SIPA1L1: variants seen among roughly 807,000 people sequenced by gnomAD.
SIPA1L1 encodes the protein signal induced proliferation associated 1 like 1.
Under a neutral mutation model 162.7 loss-of-function variants are expected in SIPA1L1, and 26 were observed. The ratio of observed to expected loss-of-function variants is 0.16; its 90% CI spans 0.12 to 0.22. The LOEUF (loss-of-function observed/expected upper bound fraction) is 0.22, where lower values mean the gene tolerates loss of function less well. Ranked by LOEUF, SIPA1L1 falls within the 10% of genes least tolerant of loss-of-function variation. SIPA1L1 has a pLI of 1.00. For synonymous variants in SIPA1L1, 829 were observed against 837.4 expected, an observed-to-expected ratio of 0.99 and a Z score of 0.17; for missense variants, 1,874 against 2,241.0, an observed-to-expected ratio of 0.84 and a Z score of 3.31.
intron 2 of SIPA1L1, among the ~76,000 whole-genome samples, chr14:71,488,899 A>G (rs967594978): frequency 2.0e-5 from 3 of 152,220 alleles, no homozygotes; most frequent in Non-Finnish European, 2.9e-5. Flanking sequence ...TTCCCAAACC[A>G]TCTTAGTGGA....
In SIPA1L1 at chr14:71,563,861, C is replaced by T. The variant is rs76563287; in HGVS notation, c.-302-23710C>T. On this transcript the variant is annotated intron_variant, in intron 4 of 23. Transcript: ENST00000381232. The stretch of plus-strand genomic sequence containing the variant: ...CTGTATGTATATTTCCAGGCATTTT[C>T]TTCTTATACTGCAGTGTGCTTTCCA... 0.012 allele frequency among the ~76,000 whole-genome samples: 1,838 copies of T among 152,292 alleles called. 153 individuals are homozygous for T. In the East Asian group the frequency reaches 0.22, roughly 18 times the overall value.
At chr14:71,542,494 C>T (rs900579550) in intron 4 of SIPA1L1, among the ~76,000 whole-genome samples, 1 of 150,952 alleles carries the variant, frequency 6.6e-6, no homozygotes, top group Admixed American at 6.6e-5. Flanking sequence ...TCTTCTGCTT[C>T]TTCTCCTCGT....
At chr14:71,644,135 G>C (rs2041957887) in intron 7 of SIPA1L1, among the ~76,000 whole-genome samples, 1 of 151,790 alleles carries the variant, frequency 6.6e-6, no homozygotes, top group Non-Finnish European at 1.5e-5. Flanking sequence ...AAGGTTGATA[G>C]CTATGTGGAA....
chr14:71,348,935 G>C (rs1311109928), intron 2 of SIPA1L1, among the ~76,000 whole-genome samples: 1 of 152,188 alleles, frequency 6.6e-6, no homozygotes, highest in Non-Finnish European at 1.5e-5. Flanking sequence ...AACCGCAGTT[G>C]GGAAACTTCG....
chr14:71,373,485 T>C (rs923531709), intron 2 of SIPA1L1, among the ~76,000 whole-genome samples: 1 of 150,840 alleles, frequency 6.6e-6, no homozygotes, highest in Non-Finnish European at 1.5e-5. Context: ...ATTAGCTGGG[T>C]GTGGTGGCTG....
chr14:71,722,197 G>C (rs2083802560), intron 17 of SIPA1L1, among the ~76,000 whole-genome samples: 1 of 152,196 alleles, frequency 6.6e-6, no homozygotes, highest in Admixed American at 6.5e-5. Flanking sequence ...CCCTTGATAT[G>C]ATGTGACAAG....
At chr14:71,702,725 A>C (rs1478572102) in intron 15 of SIPA1L1, among the ~76,000 whole-genome samples, 2 of 152,346 alleles carry the variant, frequency 1.3e-5, no homozygotes, top group South Asian at 4.1e-4. Flanking sequence ...GAAAGGCGAT[A>C]GGAATTATTT....
chr14:71,414,327 C>T (rs940906252), intron 2 of SIPA1L1, among the ~76,000 whole-genome samples: 3 of 151,850 alleles, frequency 2.0e-5, no homozygotes, highest in African/African-American at 4.8e-5. Flanking sequence ...TGCAGTGAGC[C>T]GAGATTGTGC....
chr14:71,494,097 CTTTAA>C (rs1274389480), intron 2 of SIPA1L1, among the ~76,000 whole-genome samples: 3 of 152,128 alleles, frequency 2.0e-5, no homozygotes, highest in Non-Finnish European at 4.4e-5. Flanking sequence ...ATTCAGATGC[CTTTAA>C]TTTTTGTTCT....
chr14:71,640,626 T>C (rs1206628778), intron 7 of SIPA1L1, among the ~76,000 whole-genome samples: 1 of 152,124 alleles, frequency 6.6e-6, no homozygotes, highest in South Asian at 2.1e-4. Context: ...TGAAATTCAT[T>C]TTTTTTCTTC....
intron 19 of SIPA1L1, among the ~76,000 whole-genome samples, chr14:71,726,643 T>C (rs542136603): frequency 5.9e-5 from 9 of 152,342 alleles, no homozygotes; most frequent in African/African-American, 2.2e-4. Context: ...GTTGTGACTG[T>C]ATTACTGTGA....
At position 71,373,127 on chromosome 14, in the gene SIPA1L1, C is replaced by T. The variant is rs184494783; in HGVS notation, c.-465+51946C>T. On this transcript the variant is annotated intron_variant, in intron 2 of 23. Coordinates refer to ENST00000381232, the MANE Select transcript of SIPA1L1 (RefSeq NM_001386936.1). ...GAGATCGAGACCATCCTGGCTAACA[C>T]GGTGAAACCCCATGTCTACTAAAAA... Among the ~76,000 whole-genome samples the T allele has an allele frequency of 1.2e-4, 18 of 151,636 alleles. No individual in the cohort carries two copies. The East Asian group carries it at 3.3e-3, about 28-fold the overall frequency.
At position 71,640,592 on chromosome 14, in the gene SIPA1L1, C is replaced by A. The variant is rs764263559; in HGVS notation, c.1819-9743C>A. Among the ~76,000 whole-genome samples, 59 of 152,168 alleles carry A rather than the reference C, an allele frequency of 3.9e-4. 1 individual carries two copies. The highest frequency in any genetic ancestry group is 1.3e-4 in the Non-Finnish European group (9 of 68,024). ...ATTGAATTCAAGGCTTACTAGAGAA[C>A]TCAAATCTGTAAAACAATTATATTG... On this transcript the variant is annotated intron_variant, in intron 7 of 23. Coordinates refer to ENST00000381232, the MANE Select transcript of SIPA1L1 (RefSeq NM_001386936.1).
At chr14:71,488,355 GA>G (rs1595725637) in intron 2 of SIPA1L1, among the ~76,000 whole-genome samples, 1 of 152,110 alleles carries the variant, frequency 6.6e-6, no homozygotes, top group African/African-American at 2.4e-5. Flanking sequence ...TGTGTTTTCA[GA>G]GGTGTATTTG....
At chr14:71,442,172 CAAAAAAA>C (rs368432068) in intron 2 of SIPA1L1, among the ~76,000 whole-genome samples, 30 of 26,088 alleles carry the variant, frequency 1.1e-3, no homozygotes, top group South Asian at 1.3e-3. Context: ...GACTCTGTCT[CAAAAAAA>C]AAAAAAAAAA....
At chr14:71,358,855 T>G (rs1428518259) in intron 2 of SIPA1L1, among the ~76,000 whole-genome samples, 1 of 152,030 alleles carries the variant, frequency 6.6e-6, no homozygotes, top group Admixed American at 6.6e-5. Context: ...CTATACACTT[T>G]TAGATAACCA....
intron 5 of SIPA1L1, among the ~76,000 whole-genome samples, chr14:71,595,691 A>G (rs1053297177): frequency 8.5e-5 from 13 of 152,226 alleles, no homozygotes; most frequent in African/African-American, 2.9e-4. Flanking sequence ...GCCTCTACCC[A>G]GATGGCTACC....
At chr14:71,407,032 A>G (rs1370713914) in intron 2 of SIPA1L1, among the ~76,000 whole-genome samples, 3 of 152,184 alleles carry the variant, frequency 2.0e-5, no homozygotes, top group Admixed American at 6.5e-5. Flanking sequence ...ACCTGAGGTC[A>G]GGAGTTCAAG....
chr14:71,627,601 T>G (rs1461727404), intron 7 of SIPA1L1, among the ~76,000 whole-genome samples: 1 of 152,226 alleles, frequency 6.6e-6, no homozygotes, highest in Non-Finnish European at 1.5e-5. Context: ...TCACTTACAG[T>G]ACAGTTGGGG....
Sources: allele counts gnomAD v4.1 joint callset (sites outside exome capture counted in the v4.1 genomes callset), GRCh38; gene constraint gnomAD v4.1.1; transcripts MANE v1.5; gene names NCBI Gene and HGNC (gene_info 2026-07-23, HGNC 2026-07-21).